HOOK3: variants seen among roughly 807,000 people sequenced by gnomAD.
The protein encoded by HOOK3 is protein Hook homolog 3.
A neutral mutation model predicts 116.3 loss-of-function variants in HOOK3; 24 were observed. The ratio of observed to expected loss-of-function variants is 0.21; its 90% CI spans 0.15 to 0.29. HOOK3 has a LOEUF of 0.29. HOOK3 is among the 10% of genes least tolerant of loss of function. The probability of loss-of-function intolerance (pLI) is 1.00; values close to 1 mark genes in which losing one functional copy is unlikely to be tolerated. For missense variants in HOOK3, 632 were observed against 830.2 expected (o/e 0.76, Z 2.93); for synonymous variants, 275 against 283.0 (o/e 0.97, Z 0.28).
Position 43,020,175 on chromosome 8 carries a change from G to T in HOOK3, c.*1677G>T, listed in dbSNP as rs1809797374. On this transcript the variant is annotated 3_prime_UTR_variant, in exon 22 of 22. Transcript: ENST00000307602. ...ATACACAGAACTGGAGCCATACATT[G>T]TGCTAATTTTTTACATTAAGTACAG... 5.0e-6 allele frequency: 1 copy of T among 198,980 alleles called. No individual in the cohort carries two copies. The highest frequency in any genetic ancestry group is 1.0e-5 in the Non-Finnish European group (1 of 96,318). 12.3% of individuals were successfully genotyped at this position (198,980 alleles called of 1,614,324 possible).
chr8:42,906,196 A>G lies in HOOK3; in HGVS notation c.81A>G (p.Ala27=), dbSNP rs1421266563. The change falls in exon 2 of 22, where the codon GCA becomes GCG. Residue 27 remains alanine (A), a synonymous_variant. Coordinates refer to ENST00000307602, the MANE Select transcript of HOOK3 (RefSeq NM_032410.4). ...LTWIQTFNVD[A]PCQTVEDLTN... ...AGATCCAGACATTTAATGTGGATGC[A>G]CCATGCCAGACCGTGGAAGATTTAA... The G allele has an allele frequency of 7.4e-7, 1 of 1,356,516 alleles. No individual in the cohort carries two copies. The highest frequency in any genetic ancestry group is 1.1e-5 in the South Asian group (1 of 87,302). 84.0% of individuals were successfully genotyped at this position (1,356,516 alleles called of 1,614,324 possible).
Position 42,944,583 on chromosome 8 carries a change from G to A in HOOK3, c.400+1138G>A, listed in dbSNP as rs192897963. ...CGCCTGTAATCCCAGCACTTTGGGA[G>A]GGTGAGGCAGGTGGATCACAAAGTC... is the stretch of plus-strand genomic sequence containing the variant. On this transcript the variant is annotated intron_variant, in intron 5 of 21. Coordinates refer to ENST00000307602, the MANE Select transcript of HOOK3 (RefSeq NM_032410.4). 3.8e-4 allele frequency among the ~76,000 whole-genome samples: 58 copies of A among 152,286 alleles called. 1 individual carries two copies. The highest frequency in any genetic ancestry group is 2.1e-3 in the East Asian group (11 of 5,168).
chr8:42,978,336 C>T lies in HOOK3; in HGVS notation c.1321+4142C>T, dbSNP rs538308935. ...CGGCCTTGCTGCAACCTCTGCCTAC[C>T]GGGTTCAAGTGATTCTCTTGCCTCA... On this transcript the variant is annotated intron_variant, in intron 13 of 21. Coordinates refer to ENST00000307602, the MANE Select transcript of HOOK3 (RefSeq NM_032410.4). Among the ~76,000 whole-genome samples the T allele has an allele frequency of 6.6e-5, 10 of 151,764 alleles. No individual in the cohort carries two copies. The South Asian group carries it at 1.9e-3, about 28-fold the overall frequency.
chr8:42,970,883 G>A (rs1245848472), intron 11 of HOOK3, among the ~76,000 whole-genome samples: 1 of 149,262 alleles, frequency 6.7e-6, no homozygotes, highest in Non-Finnish European at 1.5e-5. Flanking sequence ...GACCCCCCAG[G>A]CTCAGGTGAT....
rs1481412865 is a variant in HOOK3, at chr8:43,025,775, T to C, written c.*7277T>C. The C allele has an allele frequency of 4.7e-6, 1 of 214,286 alleles. No homozygotes were observed. The highest frequency in any genetic ancestry group is 9.4e-6 in the Non-Finnish European group (1 of 106,328). The allele number at this position is 214,286 out of a possible 1,614,324, so 13.3% of individuals were successfully genotyped here. A position where few individuals can be genotyped will look rare whatever the true frequency, so the allele number is the denominator to read the frequency against. On this transcript the variant is annotated 3_prime_UTR_variant, in exon 22 of 22. Transcript: ENST00000307602. ...CTTGGTGTTATCTAGATCTGCTTTATCTAGTTTGCAAGCCATAGGCTCAAT... is the reference window on the plus strand; with the variant it reads ...CTTGGTGTTATCTAGATCTGCTTTACCTAGTTTGCAAGCCATAGGCTCAAT...
chr8:42,920,734 A>T (rs967474557), intron 2 of HOOK3, among the ~76,000 whole-genome samples: 9 of 152,116 alleles, frequency 5.9e-5, no homozygotes, highest in Non-Finnish European at 1.3e-4. Context: ...TGTACTGTCA[A>T]CTCTGACAGT....
intron 3 of HOOK3, among the ~76,000 whole-genome samples, chr8:42,929,692 A>G (rs1807838269): frequency 6.6e-6 from 1 of 152,134 alleles, no homozygotes; most frequent in African/African-American, 2.4e-5. Flanking sequence ...AGATTATTTT[A>G]CTATAATTTT....
At chr8:43,004,165 G>C (rs1479743374) in intron 17 of HOOK3, among the ~76,000 whole-genome samples, 1 of 151,412 alleles carries the variant, frequency 6.6e-6, no homozygotes, top group African/African-American at 2.4e-5. Context: ...TCAGGAGTTT[G>C]AGACCAGCCT....
chr8:42,903,688 G>A (rs1807242446), intron 1 of HOOK3, among the ~76,000 whole-genome samples: 1 of 147,980 alleles, frequency 6.8e-6, no homozygotes, highest in Admixed American at 6.7e-5. Flanking sequence ...GGGCGTGGTG[G>A]CTCAAACGCC....
chr8:43,005,613 G>C (rs1809469646), intron 17 of HOOK3, among the ~76,000 whole-genome samples: 1 of 152,018 alleles, frequency 6.6e-6, no homozygotes, highest in Non-Finnish European at 1.5e-5. Context: ...GGTTACCTCT[G>C]GGAAGAATAT....
intron 2 of HOOK3, among the ~76,000 whole-genome samples, chr8:42,916,104 C>G (rs1328587494): frequency 1.3e-5 from 2 of 152,190 alleles, no homozygotes; most frequent in African/African-American, 4.8e-5. Flanking sequence ...ATCAGATGTT[C>G]CCTTCCCACT....
rs141326870 is a variant in HOOK3, at chr8:43,023,516, G to C, written c.*5018G>C. 0.022 allele frequency: 3,670 copies of C among 167,412 alleles called. 151 individuals carry two copies. Among genetic ancestry groups the C allele is most frequent in the African/African-American group, 0.083 (3,437 of 41,310 alleles). 10.4% of individuals were successfully genotyped at this position (167,412 alleles called of 1,614,324 possible). Reference sequence around the variant, plus strand: ...CCCCCAGGCTGGAGTGCAGAGGCACGATCCTGGCTGACTGCAAACTCTGCC... The same window carrying C: ...CCCCCAGGCTGGAGTGCAGAGGCACCATCCTGGCTGACTGCAAACTCTGCC... On this transcript the variant is annotated 3_prime_UTR_variant, in exon 22 of 22. Coordinates refer to ENST00000307602, the MANE Select transcript of HOOK3 (RefSeq NM_032410.4).
chr8:42,953,519 G>A (rs1172991008), intron 6 of HOOK3, among the ~76,000 whole-genome samples: 1 of 151,326 alleles, frequency 6.6e-6, no homozygotes, highest in Non-Finnish European at 1.5e-5. Context: ...AGCTGAGATT[G>A]CGCCACTGCA....
Position 43,021,316 on chromosome 8 carries a change from C to T in HOOK3, c.*2818C>T. 1.1e-5 allele frequency: 2 copies of T among 189,028 alleles called. No individual in the cohort carries two copies. The highest frequency in any genetic ancestry group is 2.2e-5 in the Non-Finnish European group (2 of 90,172). The allele number at this position is 189,028 out of a possible 1,614,324, so 11.7% of individuals were successfully genotyped here. A position where few individuals can be genotyped will look rare whatever the true frequency, so the allele number is the denominator to read the frequency against. On this transcript the variant is annotated 3_prime_UTR_variant, in exon 22 of 22. Coordinates refer to ENST00000307602, the MANE Select transcript of HOOK3 (RefSeq NM_032410.4). ...GGAGTTTTACTTCTGACTTTTTTTT[C>T]CCCCCGAGACGGAGCCTCGTTCCGT... is the stretch of plus-strand genomic sequence containing the variant.
At chr8:42,910,302 A>G (rs1397276518) in intron 2 of HOOK3, among the ~76,000 whole-genome samples, 3 of 152,160 alleles carry the variant, frequency 2.0e-5, no homozygotes, top group Non-Finnish European at 2.9e-5. Flanking sequence ...TCTTATGGGC[A>G]TATTTCTTAT....
intron 14 of HOOK3, among the ~76,000 whole-genome samples, chr8:42,984,044 A>G (rs549133143): frequency 2.6e-5 from 4 of 152,142 alleles, no homozygotes; most frequent in Admixed American, 6.6e-5. Context: ...AATGGAAACA[A>G]TTTGTAGTTG....
chr8:42,985,709 C>T (rs1168996221), intron 14 of HOOK3, among the ~76,000 whole-genome samples: 1 of 151,270 alleles, frequency 6.6e-6, no homozygotes, highest in Non-Finnish European at 1.5e-5. Context: ...CGTACCACTG[C>T]ACTTCAGCCT....
chr8:42,974,757 G>A (rs1270413995), intron 13 of HOOK3, among the ~76,000 whole-genome samples: 5 of 152,224 alleles, frequency 3.3e-5, no homozygotes, highest in Admixed American at 2.0e-4. Flanking sequence ...AGATGAATGC[G>A]CAAAAAGGGG....
intron 4 of HOOK3, among the ~76,000 whole-genome samples, chr8:42,940,548 C>G (rs1467401364): frequency 1.3e-5 from 2 of 152,092 alleles, no homozygotes; most frequent in Admixed American, 6.5e-5. Context: ...AGCGAAAATG[C>G]TTTTCTTTAG....
Sources: gnomAD v4.1 joint callset for allele counts (sites outside exome capture counted in the v4.1 genomes callset) on GRCh38, gnomAD v4.1.1 for gene constraint, MANE v1.5 for transcripts, NCBI Gene and HGNC (gene_info 2026-07-23, HGNC 2026-07-21) for gene names.